DNAH9: variants seen among roughly 807,000 people sequenced by gnomAD.
The protein encoded by DNAH9 is dynein axonemal heavy chain 9.
In DNAH9, 345 loss-of-function variants were observed where a neutral mutation model predicts 471.6. That is an observed-to-expected ratio of 0.73 (90% confidence interval 0.67 to 0.80). The LOEUF (loss-of-function observed/expected upper bound fraction) is 0.80. DNAH9 is among the 30% of genes least tolerant of loss of function. The probability of loss-of-function intolerance (pLI) is 0.00; values close to 1 mark genes in which losing one functional copy is unlikely to be tolerated. For synonymous variants in DNAH9, 2,093 were observed against 2,123.6 expected (o/e 0.99, Z 0.40); for missense variants, 5,407 against 5,609.2 (o/e 0.96, Z 1.15).
chr17:11,601,793 T>G (rs2072392471), intron 1 of DNAH9, among the ~76,000 whole-genome samples: 1 of 152,052 alleles, frequency 6.6e-6, no homozygotes, highest in African/African-American at 2.4e-5. Context: ...TGCTCCCCTT[T>G]TCCTTCCACC....
chr17:11,732,197 A>G (rs1026422082), intron 28 of DNAH9, among the ~76,000 whole-genome samples: 1 of 152,186 alleles, frequency 6.6e-6, no homozygotes, highest in Non-Finnish European at 1.5e-5. Flanking sequence ...TGCATTCTCT[A>G]AGATCACTTA....
intron 67 of DNAH9, among the ~76,000 whole-genome samples, chr17:11,953,040 T>C (rs1169943129): frequency 6.6e-6 from 1 of 152,170 alleles, no homozygotes. Flanking sequence ...CTTCCTCTTC[T>C]TATAAGGCGA....
At chr17:11,660,079 C>T (rs1034401359) in intron 14 of DNAH9, among the ~76,000 whole-genome samples, 3 of 151,906 alleles carry the variant, frequency 2.0e-5, no homozygotes, top group African/African-American at 7.3e-5. Flanking sequence ...TGCTAATTTT[C>T]TCTATTCATC....
intron 11 of DNAH9, among the ~76,000 whole-genome samples, chr17:11,645,538 G>T (rs1361398426): frequency 2.6e-5 from 4 of 152,142 alleles, no homozygotes; most frequent in Non-Finnish European, 5.9e-5. Context: ...CAGCTGGGAG[G>T]CCTTGCGGTG....
At chr17:11,796,875 T>C (rs1180478212) in intron 42 of DNAH9, among the ~76,000 whole-genome samples, 1 of 152,174 alleles carries the variant, frequency 6.6e-6, no homozygotes, top group African/African-American at 2.4e-5. Context: ...TAGAGATATA[T>C]TGGTGAAGAG....
intron 28 of DNAH9, 44 bp downstream of exon 28, chr17:11,727,966 A>T: frequency 8.1e-7 from 1 of 1,232,746 alleles, no homozygotes; most frequent in Non-Finnish European, 1.2e-6. Context: ...CTTCATATTG[A>T]TTACTGCGGA....
At chr17:11,686,752 G>T (rs529894300) in intron 19 of DNAH9, among the ~76,000 whole-genome samples, 1 of 152,228 alleles carries the variant, frequency 6.6e-6, no homozygotes, top group East Asian at 1.9e-4. Context: ...ATGCTTATGG[G>T]TGCCAAAGGA....
rs546338788 is a variant in DNAH9, at chr17:11,613,374, C to A, written c.904+1594C>A. 9.9e-5 allele frequency among the ~76,000 whole-genome samples: 15 copies of A among 152,274 alleles called. No homozygotes were observed. In the South Asian group the frequency reaches 1.9e-3, roughly 19 times the overall value. On this transcript the variant is annotated intron_variant, in intron 4 of 68. Transcript: ENST00000262442. Reference sequence around the variant, plus strand: ...CAGTGGCTCACACCTGTGATCCCAGCACTTTGGGAGGCCGAGGCGGACAGA... The same window carrying A: ...CAGTGGCTCACACCTGTGATCCCAGAACTTTGGGAGGCCGAGGCGGACAGA...
At chr17:11,816,867 C>T (rs1970117573) in intron 45 of DNAH9, among the ~76,000 whole-genome samples, 1 of 152,012 alleles carries the variant, frequency 6.6e-6, no homozygotes, top group African/African-American at 2.4e-5. Context: ...ATAGTGTTTC[C>T]CAACTTTCGG....
At chr17:11,665,626 G>A (rs17601031) in intron 15 of DNAH9, among the ~76,000 whole-genome samples, 51,279 of 152,118 alleles carry the variant, frequency 0.34, 8,875 homozygotes, top group Middle Eastern at 0.41. Flanking sequence ...ACCTTAGCTA[G>A]TGAATGATGA....
chr17:11,837,325 A>G (rs1312205657), intron 49 of DNAH9, among the ~76,000 whole-genome samples: 4 of 152,206 alleles, frequency 2.6e-5, no homozygotes, highest in Non-Finnish European at 5.9e-5. Flanking sequence ...AATATGATAG[A>G]TGCTGTCCTC....
At chr17:11,727,953 G>A in intron 28 of DNAH9, 31 bp downstream of exon 28, 2 of 1,397,702 alleles carry the variant, frequency 1.4e-6, no homozygotes, top group South Asian at 2.3e-5. Flanking sequence ...GGAGCCTTGT[G>A]GTCTTCATAT....
rs777855321 is a variant in DNAH9 at position 11,747,729 on chromosome 17, T to C, written c.6573T>C (p.Phe2191=). 3.1e-6 allele frequency: 5 copies of C among 1,614,086 alleles called. No individual in the cohort carries two copies. Residue 2191 remains phenylalanine, a synonymous_variant, in exon 32 of 69, where the codon TTT becomes TTC. Coordinates refer to ENST00000262442, the MANE Select transcript of DNAH9 (RefSeq NM_001372.4). ...NPKAVTNDEL[F]GIINPATGEW... is the part of the protein sequence containing the mutation. ...AAGCAGTCACAAATGATGAGCTCTT[T>C]GGCATCATCAATCCAGCCACAGGAG...
In DNAH9 at chr17:11,598,926, G is replaced by A. The variant is rs748035509; in HGVS notation, c.417+11G>A. ...GCGCTGTTCTCGGAGGTGAGGGTGG[G>A]TTAGTGTCCCCGCGCGGCTAAAGCT... On this transcript the variant is annotated intron_variant, in intron 1 of 68. Coordinates refer to ENST00000262442, the MANE Select transcript of DNAH9 (RefSeq NM_001372.4). The A allele has an allele frequency of 5.4e-6, 7 of 1,293,806 alleles. No individual in the cohort carries two copies. The highest frequency in any genetic ancestry group is 6.0e-6 in the Non-Finnish European group (6 of 1,000,200). 80.1% of individuals were successfully genotyped at this position (1,293,806 alleles called of 1,614,324 possible).
At chr17:11,886,732 C>A in intron 56 of DNAH9, 93 bp from the exon 57 acceptor site, 1 of 1,452,254 alleles carries the variant, frequency 6.9e-7, no homozygotes, top group Non-Finnish European at 9.3e-7. Flanking sequence ...ATCCCCTAAG[C>A]AGACGCATGT....
chr17:11,743,700 G>A (rs899762632), intron 30 of DNAH9, among the ~76,000 whole-genome samples: 5 of 152,010 alleles, frequency 3.3e-5, no homozygotes, highest in African/African-American at 7.3e-5. Flanking sequence ...CTTCTTTTTC[G>A]TCTGTGCCTG....
Position 11,622,477 on chromosome 17 carries a change from G to A in DNAH9, c.1350+2696G>A, listed in dbSNP as rs139960945. On this transcript the variant is annotated intron_variant, in intron 6 of 68. Coordinates refer to ENST00000262442, the MANE Select transcript of DNAH9 (RefSeq NM_001372.4). ...TTCCTTTGCTGCTGTTTAGTGAGAG[G>A]TGAGGGACACTCCAGCCCCAGCCCA... Among the ~76,000 whole-genome samples, 756 of 152,144 alleles carry A rather than the reference G, an allele frequency of 5.0e-3. 2 individuals carry two copies. The highest frequency in any genetic ancestry group is 0.034 in the Middle Eastern group (10 of 294).
At position 11,598,923 on chromosome 17, in the gene DNAH9, T is replaced by A. The variant is rs754777508; in HGVS notation, c.417+8T>A. 7.9e-7 allele frequency: 1 copy of A among 1,265,936 alleles called. No homozygotes were observed. Among genetic ancestry groups the A allele is most frequent in the South Asian group, 1.5e-5 (1 of 68,490 alleles). The allele number at this position is 1,265,936 out of a possible 1,614,324, so 78.4% of individuals were successfully genotyped here. A position where few individuals can be genotyped will look rare whatever the true frequency, so the allele number is the denominator to read the frequency against. On this transcript the variant is annotated splice_region_variant and intron_variant, in intron 1 of 68. Coordinates refer to ENST00000262442, the MANE Select transcript of DNAH9 (RefSeq NM_001372.4). ...GCCGCGCTGTTCTCGGAGGTGAGGGTGGGTTAGTGTCCCCGCGCGGCTAAA... is the reference window on the plus strand; with the variant it reads ...GCCGCGCTGTTCTCGGAGGTGAGGGAGGGTTAGTGTCCCCGCGCGGCTAAA...
chr17:11,809,619 T>C (rs1969814967), intron 44 of DNAH9, among the ~76,000 whole-genome samples: 1 of 152,042 alleles, frequency 6.6e-6, no homozygotes, highest in Non-Finnish European at 1.5e-5. Context: ...GCATAAGATA[T>C]ATTCATCCGC....
Sources: allele counts gnomAD v4.1 joint callset (sites outside exome capture counted in the v4.1 genomes callset), GRCh38; gene constraint gnomAD v4.1.1; transcripts MANE v1.5; gene names NCBI Gene and HGNC (gene_info 2026-07-23, HGNC 2026-07-21).